The following PLCD4 variants were observed in gnomAD, a reference collection of about 807,000 sequenced individuals.
The protein encoded by PLCD4 is phospholipase C delta 4.
PLCD4 carries 63 observed loss-of-function variants against 90.2 expected under a neutral mutation model. The ratio of observed to expected loss-of-function variants is 0.70; its 90% confidence interval spans 0.57 to 0.86. The LOEUF is 0.86. PLCD4 is among the 40% of genes least tolerant of loss of function. The pLI, the probability that PLCD4 is intolerant of heterozygous loss-of-function variation, is 0.00. For synonymous variants in PLCD4, 294 were observed against 356.5 expected (o/e 0.82, Z 1.97); for missense variants, 830 against 956.3 (o/e 0.87, Z 1.74).
intron 1 of PLCD4, among the ~76,000 whole-genome samples, chr2:218,612,076 A>G (rs1695365895): frequency 6.6e-6 from 1 of 150,896 alleles, no homozygotes; most frequent in East Asian, 2.0e-4. Flanking sequence ...TGCCCAGCTA[A>G]TTTTTGTATT....
At chr2:218,619,351 T>C (rs181154336) in intron 4 of PLCD4, among the ~76,000 whole-genome samples, 3 of 152,094 alleles carry the variant, frequency 2.0e-5, no homozygotes, top group Admixed American at 6.6e-5. Flanking sequence ...TGGAGTGCAG[T>C]AGCACAATCT....
At chr2:218,633,049 G>A (rs113380118) in intron 10 of PLCD4, among the ~76,000 whole-genome samples, 35 of 152,158 alleles carry the variant, frequency 2.3e-4, no homozygotes, top group African/African-American at 8.2e-4. Flanking sequence ...CTGGGGCTGT[G>A]GTGTCTAACC....
Position 218,630,714 on chromosome 2 carries a change from T to C in PLCD4, c.1184T>C (p.Met395Thr), listed in dbSNP as rs771382421. 3 of 1,614,032 alleles carry C rather than the reference T, an allele frequency of 1.9e-6. No individual in the cohort carries two copies. Among genetic ancestry groups the C allele is most frequent in the South Asian group, 1.1e-5 (1 of 91,084 alleles). ...TGCAGCTGGGAGCAGCAGCAGACCA[T>C]GGCCCGTCATCTGACTGAGATCCTG... ...THCSWEQQQT[M>T]ARHLTEILGE... The change falls in exon 9 of 16, where the codon ATG becomes ACG. Residue 395 changes from methionine to threonine, a missense_variant. Coordinates refer to ENST00000450993, the MANE Select transcript of PLCD4 (RefSeq NM_032726.4).
rs578086242 is a variant in PLCD4, at chr2:218,614,601, C to A, written c.-33-1106C>A. ...AGTAGCTGGGATTACAGGTGCTTGC[C>A]ACCATGCCCAGCTAATTTTTTTGTA... On this transcript the variant is annotated intron_variant, in intron 1 of 15. Coordinates refer to ENST00000450993, the MANE Select transcript of PLCD4 (RefSeq NM_032726.4). 7.1e-3 allele frequency among the ~76,000 whole-genome samples: 1,077 copies of A among 152,126 alleles called. 15 individuals are homozygous for A. The highest frequency in any genetic ancestry group is 0.025 in the African/African-American group (1,023 of 41,538).
chr2:218,626,380 C>A (rs780348531), intron 6 of PLCD4, among the ~76,000 whole-genome samples: 1 of 152,172 alleles, frequency 6.6e-6, no homozygotes, highest in Non-Finnish European at 1.5e-5. Flanking sequence ...ACCTTCCAGG[C>A]GAGCCTCCTT....
rs374240450 is a variant in PLCD4 at position 218,620,256 on chromosome 2, C to T, written c.411-1214C>T. Among the ~76,000 whole-genome samples, 19 of 152,212 alleles carry T rather than the reference C, an allele frequency of 1.2e-4. No individual in the cohort carries two copies. The East Asian group carries it at 2.5e-3, about 20-fold the overall frequency. On this transcript the variant is annotated intron_variant, in intron 4 of 15. Coordinates refer to ENST00000450993, the MANE Select transcript of PLCD4 (RefSeq NM_032726.4). The stretch of plus-strand genomic sequence containing the variant: ...AGCTCACACCTGTAATTAATCCCAG[C>T]ACTTTGAGAAGCTGAGGCTGGTGGA...
Position 218,634,188 on chromosome 2 carries a change from C to T in PLCD4, c.1690C>T (p.Pro564Ser). Residue 564 changes from proline to serine, a missense_variant, in exon 12 of 16, where the codon CCC (proline) becomes TCC (serine). By Grantham distance (74) the Pro-to-Ser change is moderately conservative. Coordinates refer to ENST00000450993, the MANE Select transcript of PLCD4 (RefSeq NM_032726.4). The surrounding 1 kb of genome is among the most constrained non-coding windows in gnomAD (Gnocchi z 4.0). ...GAGGACAGACTCTTCCAACTACAAC[C>T]CCCAGGAACTCTGGAATGCAGGCTG... ...GLRTDSSNYN[P>S]QELWNAGCQM... is the part of the protein sequence containing the mutation. 1.2e-6 allele frequency: 2 copies of T among 1,611,918 alleles called. No homozygotes were observed. The highest frequency in any genetic ancestry group is 1.7e-6 in the Non-Finnish European group (2 of 1,179,010).
intron 7 of PLCD4, chr2:218,628,930 A>C (rs370456192): frequency 5.8e-5 from 9 of 154,054 alleles, no homozygotes; most frequent in African/African-American, 1.9e-4. Context: ...TAAAGCCAGA[A>C]CACCACTGGA....
In PLCD4 at chr2:218,629,578, A is replaced by C. The variant is rs1260394504; in HGVS notation, c.1034A>C (p.Glu345Ala). 1 of 1,613,658 alleles carries C rather than the reference A, an allele frequency of 6.2e-7. No homozygotes were observed. The highest frequency in any genetic ancestry group is 2.2e-5 in the East Asian group (1 of 44,848). The change falls in exon 8 of 16, where the codon GAA (glutamate) becomes GCA (alanine). Residue 345 changes from glutamate to alanine, a missense_variant. Transcript: ENST00000450993. ...EVDVWDGPSG[E>A]PVVYHGHTLT... ...GATGTATGGGATGGACCTAGCGGGG[A>C]ACCTGTCGTTTACCACGGACACACC...
intron 1 of PLCD4, among the ~76,000 whole-genome samples, chr2:218,610,369 G>T (rs964800381): frequency 6.6e-6 from 1 of 151,728 alleles, no homozygotes; most frequent in African/African-American, 2.4e-5. Context: ...TTAGCCAGGC[G>T]TGGTGGCACA....
At position 218,637,051 on chromosome 2, in the gene PLCD4, T is replaced by A. The variant is rs1696805454; in HGVS notation, c.*474T>A. ...AGGCTCAAGGCTTCCCCAGCAAAGA[T>A]TAGGGAAAGAGACTTGACCCCAGGA... On this transcript the variant is annotated 3_prime_UTR_variant, in exon 16 of 16. Transcript: ENST00000450993. 7 of 394,648 alleles carry A rather than the reference T, an allele frequency of 1.8e-5. No homozygotes were observed. The highest frequency in any genetic ancestry group is 1.4e-4 in the South Asian group (7 of 51,678). 24.4% of individuals were successfully genotyped at this position (394,648 alleles called of 1,614,324 possible).
chr2:218,612,507 G>A (rs1695385957), intron 1 of PLCD4, among the ~76,000 whole-genome samples: 1 of 152,206 alleles, frequency 6.6e-6, no homozygotes, highest in South Asian at 2.1e-4. Flanking sequence ...GGGCAGAGTG[G>A]CTCACGCCTG....
In PLCD4 at chr2:218,633,591, T is replaced by C. The variant is rs1397035316; in HGVS notation, c.1450-14T>C. 6.2e-7 allele frequency: 1 copy of C among 1,611,784 alleles called. No homozygotes were observed. The highest frequency in any genetic ancestry group is 8.5e-7 in the Non-Finnish European group (1 of 1,178,000). The stretch of plus-strand genomic sequence containing the variant: ...CTGAGGGTTCAATTCCATCTTCTTT[T>C]CCACCTTCTCCAGAAATCCAAGCCC... On this transcript the variant is annotated splice_polypyrimidine_tract_variant and intron_variant, in intron 10 of 15. Transcript: ENST00000450993.
rs745700975 is a variant in PLCD4, at chr2:218,629,630, T to A, written c.1086T>A (p.Asp362Glu). ...HTLTSRILFK[D>E]VVATVAQYAF... is the part of the protein sequence containing the mutation. Reference sequence around the variant, plus strand: ...TGACCTCCCGCATCCTGTTCAAAGATGTCGTGGCCACAGTAGCACAGTATG... The same window carrying A: ...TGACCTCCCGCATCCTGTTCAAAGAAGTCGTGGCCACAGTAGCACAGTATG... Residue 362 changes from aspartate to glutamate, a missense_variant, in exon 8 of 16, where the codon GAT becomes GAA. Physicochemically the swap from Asp to Glu is conservative, Grantham distance 45. Transcript: ENST00000450993. The A allele has an allele frequency of 6.2e-7, 1 of 1,613,660 alleles. No individual in the cohort carries two copies. Among genetic ancestry groups the A allele is most frequent in the South Asian group, 1.1e-5 (1 of 91,016 alleles).
chr2:218,612,779 A>C (rs796268734), intron 1 of PLCD4, among the ~76,000 whole-genome samples: 1 of 152,078 alleles, frequency 6.6e-6, no homozygotes, highest in East Asian at 1.9e-4. Context: ...TCAAAAACAA[A>C]AAAAAAGAAA....
Position 218,634,053 on chromosome 2 carries a change from G to A in PLCD4, c.1607-52G>A. On this transcript the variant is annotated intron_variant, in intron 11 of 15. Transcript: ENST00000450993. This position sits in a 1 kb window ranked among gnomAD's most constrained non-coding sequence, Gnocchi z 4.0. ...AGTAGGCATGGTCCTTGGGACTAGG[G>A]AAGTGGGAGATTCCACCCCACTTCC... 1 of 1,558,354 alleles carries A rather than the reference G, an allele frequency of 6.4e-7. No homozygotes were observed.
At position 218,622,883 on chromosome 2, in the gene PLCD4, G is replaced by C. The variant is rs569097943; in HGVS notation, c.772+5G>C. ...GCTATGAACCTTCAGACAGTGGTAA[G>C]AGAAATCAGGTGGAGAGGCACCAGA... On this transcript the variant is annotated splice_donor_5th_base_variant and intron_variant, in intron 6 of 15. Coordinates refer to ENST00000450993, the MANE Select transcript of PLCD4 (RefSeq NM_032726.4). 71 of 1,611,282 alleles carry C rather than the reference G, an allele frequency of 4.4e-5. No individual in the cohort carries two copies. The highest frequency in any genetic ancestry group is 5.9e-5 in the Non-Finnish European group (69 of 1,178,332).
At chr2:218,614,165 G>A (rs1313865101) in intron 1 of PLCD4, among the ~76,000 whole-genome samples, 1 of 151,738 alleles carries the variant, frequency 6.6e-6, no homozygotes, top group Non-Finnish European at 1.5e-5. Context: ...GATTACAGGT[G>A]CACACAACCA....
In PLCD4 at chr2:218,618,709, G is replaced by A. The variant is rs755207808; in HGVS notation, c.312G>A (p.Leu104=). The part of the protein sequence containing the change: ...VFHGRRSNLD[L]MANSVEEAQI... ...ATGGCCGCCGCTCCAACCTGGACCT[G>A]ATGGCCAACAGTGTTGAGGAGGCCC... Residue 104 remains leucine (L), a synonymous_variant, in exon 4 of 16, where the codon CTG becomes CTA. Transcript: ENST00000450993. 6.2e-7 allele frequency: 1 copy of A among 1,613,596 alleles called. No individual in the cohort carries two copies. Among genetic ancestry groups the A allele is most frequent in the Non-Finnish European group, 8.5e-7 (1 of 1,179,740 alleles).
Sources: gnomAD v4.1 joint callset for allele counts (sites outside exome capture counted in the v4.1 genomes callset) on GRCh38, gnomAD v4.1.1 for gene constraint, Gnocchi (gnomAD v3.1) non-coding constraint, MANE v1.5 for transcripts, NCBI Gene and HGNC (gene_info 2026-07-23, HGNC 2026-07-21) for gene names.